ACVR1B: variants seen among roughly 807,000 people sequenced by gnomAD.
ACVR1B encodes the protein activin A receptor type 1B, also known as activin receptor type-1B.
A neutral mutation model predicts 55.6 loss-of-function variants in ACVR1B; 15 were observed. That is an observed-to-expected ratio of 0.27 (90% confidence interval 0.18 to 0.42). The LOEUF (loss-of-function observed/expected upper bound fraction) is 0.42. ACVR1B is among the 10% of genes least tolerant of loss of function. ACVR1B has a pLI of 1.00. For missense variants in ACVR1B, 359 were observed against 670.1 expected, an observed-to-expected ratio of 0.54 and a Z score of 5.13; for synonymous variants, 247 against 254.6, an observed-to-expected ratio of 0.97 and a Z score of 0.28.
In ACVR1B at chr12:51,968,192, C is replaced by T. The variant is rs183899493; in HGVS notation, c.92-7073C>T. 1.0e-3 allele frequency among the ~76,000 whole-genome samples: 155 copies of T among 152,302 alleles called. 2 individuals carry two copies. The highest frequency in any genetic ancestry group is 3.3e-3 in the African/African-American group (138 of 41,574). On this transcript the variant is annotated intron_variant, in intron 1 of 8. Transcript: ENST00000257963. ...AGGTTGCAGTGAGCTGAGATTGCAC[C>T]ATGGCATTCCAGCCTGGGCAACAAG...
chr12:51,982,752 GC>G, intron 4 of ACVR1B: 1 of 1,534,364 alleles, frequency 6.5e-7, no homozygotes, highest in Non-Finnish European at 8.7e-7. Flanking sequence ...AAGCTGAGGA[GC>G]CTTAGACTCC....
At chr12:51,960,517 C>G (rs1255290084) in intron 1 of ACVR1B, among the ~76,000 whole-genome samples, 2 of 152,148 alleles carry the variant, frequency 1.3e-5, no homozygotes, top group Non-Finnish European at 1.5e-5. Context: ...ATAAAAGCAT[C>G]TGATTTGCTG....
At position 51,951,775 on chromosome 12, in the gene ACVR1B, T is replaced by TC; in HGVS notation, c.37dup (p.Leu13ProfsTer35). 7.7e-7 allele frequency: 1 copy of TC among 1,292,696 alleles called. No homozygotes were observed. 80.1% of individuals were successfully genotyped at this position (1,292,696 alleles called of 1,614,324 possible). A position where few individuals can be genotyped will look rare whatever the true frequency, so the allele number is the denominator to read the frequency against. ...GAGTCGGCCGGAGCCTCCTCCTTCT[T>TC]CCCCCTTGTTGTCCTCCTGCTCGCC... is the stretch of plus-strand genomic sequence containing the variant. On this transcript the variant is annotated frameshift_variant, in exon 1 of 9. Coordinates refer to ENST00000257963, the MANE Select transcript of ACVR1B (RefSeq NM_004302.5). LOFTEE classifies it high-confidence loss of function.
chr12:51,975,843 T>G (rs1941839708), intron 2 of ACVR1B, among the ~76,000 whole-genome samples: 1 of 151,968 alleles, frequency 6.6e-6, no homozygotes, highest in Non-Finnish European at 1.5e-5. Flanking sequence ...CGAGCAAAGG[T>G]GACTCCTCAA....
rs147465305 is a variant in ACVR1B at position 51,952,296 on chromosome 12, G to A, written c.91+462G>A. ...GCGGTGGGGTCTTAGCCTCTCCGAG[G>A]GAACCTGATGTTGAGAGTCCGCGCA... On this transcript the variant is annotated intron_variant, in intron 1 of 8. Coordinates refer to ENST00000257963, the MANE Select transcript of ACVR1B (RefSeq NM_004302.5). Among the ~76,000 whole-genome samples, 15 of 151,676 alleles carry A rather than the reference G, an allele frequency of 9.9e-5. No individual in the cohort carries two copies. In the East Asian group the frequency reaches 1.9e-3, roughly 20 times the overall value.
At chr12:51,974,060 C>T (rs1284878720) in intron 1 of ACVR1B, among the ~76,000 whole-genome samples, 1 of 152,070 alleles carries the variant, frequency 6.6e-6, no homozygotes, top group Non-Finnish European at 1.5e-5. Flanking sequence ...TGGGACTGCC[C>T]ATAAGTGTCT....
At chr12:51,982,819 C>T in intron 4 of ACVR1B, 1 of 1,497,800 alleles carries the variant, frequency 6.7e-7, no homozygotes, top group Non-Finnish European at 8.8e-7. Flanking sequence ...GTAAGCTATT[C>T]CTTTTTAAAA....
Position 51,994,215 on chromosome 12 carries a change from T to A in ACVR1B, c.*105T>A. ...CCTCTCGTTTCTGCCCAGCCCTCTGTGGCCAGGAGCCCTGGCCCGCAAGAG... is the reference window on the plus strand; with the variant it reads ...CCTCTCGTTTCTGCCCAGCCCTCTGAGGCCAGGAGCCCTGGCCCGCAAGAG... On this transcript the variant is annotated 3_prime_UTR_variant, in exon 9 of 9. Coordinates refer to ENST00000257963, the MANE Select transcript of ACVR1B (RefSeq NM_004302.5). The surrounding 1 kb of genome is among the most constrained non-coding windows in gnomAD (Gnocchi z 4.2). 6.6e-7 allele frequency: 1 copy of A among 1,512,570 alleles called. No individual in the cohort carries two copies. 93.7% of individuals were successfully genotyped at this position (1,512,570 alleles called of 1,614,324 possible).
chr12:51,964,801 A>G (rs909224890), intron 1 of ACVR1B, among the ~76,000 whole-genome samples: 1 of 152,150 alleles, frequency 6.6e-6, no homozygotes, highest in South Asian at 2.1e-4. Context: ...TGGATTCTCA[A>G]TTCGGTTCTG....
chr12:51,955,393 CGAT>C (rs1941388316), intron 1 of ACVR1B, among the ~76,000 whole-genome samples: 1 of 152,172 alleles, frequency 6.6e-6, no homozygotes, highest in African/African-American at 2.4e-5. Context: ...AATCAGTAAA[CGAT>C]GAGACGTGCT....
chr12:51,989,256 G>A (rs907686272), intron 7 of ACVR1B, among the ~76,000 whole-genome samples: 1 of 152,086 alleles, frequency 6.6e-6, no homozygotes, highest in Non-Finnish European at 1.5e-5. Flanking sequence ...TCTTTTTCTG[G>A]AAAAGGGCTT....
Position 51,994,431 on chromosome 12 carries a change from C to T in ACVR1B, c.*321C>T, listed in dbSNP as rs1431591529. The T allele has an allele frequency of 3.1e-5, 10 of 324,176 alleles. No homozygotes were observed. Among genetic ancestry groups the T allele is most frequent in the Admixed American group, 4.8e-5 (1 of 20,840 alleles). 20.1% of individuals were successfully genotyped at this position (324,176 alleles called of 1,614,324 possible). A position where few individuals can be genotyped will look rare whatever the true frequency, so the allele number is the denominator to read the frequency against. ...TCTGGCACGTGGCCAGGAGCCATGA[C>T]AGGGGCGCTTGGGAGGGGCCGGAGG... On this transcript the variant is annotated 3_prime_UTR_variant, in exon 9 of 9. Transcript: ENST00000257963. The surrounding 1 kb of genome is among the most constrained non-coding windows in gnomAD (Gnocchi z 4.2).
chr12:51,972,976 G>A (rs933770813), intron 1 of ACVR1B, among the ~76,000 whole-genome samples: 6 of 152,028 alleles, frequency 3.9e-5, no homozygotes, highest in Non-Finnish European at 8.8e-5. Flanking sequence ...AAACCCACAC[G>A]GCCCAGCCCC....
Position 51,984,072 on chromosome 12 carries a change from C to CCGGTA in ACVR1B, c.887_891dup (p.Thr298GlyfsTer4), listed in dbSNP as rs762810607. 1 of 1,614,164 alleles carries CCGGTA rather than the reference C, an allele frequency of 6.2e-7. No individual in the cohort carries two copies. Among genetic ancestry groups the CCGGTA allele is most frequent in the Non-Finnish European group, 8.5e-7 (1 of 1,180,038 alleles). On this transcript the variant is annotated frameshift_variant, in exon 5 of 9. Coordinates refer to ENST00000257963, the MANE Select transcript of ACVR1B (RefSeq NM_004302.5). LOFTEE classifies it high-confidence loss of function. ...ACGGGTCCCTGTTTGATTATCTGAACCGGTACACAGTGACAATTGAGGGGA... is the reference window on the plus strand; with the variant it reads ...ACGGGTCCCTGTTTGATTATCTGAACCGGTACGGTACACAGTGACAATTGAGGGGA...
chr12:51,991,698 G>A (rs1038485868), intron 7 of ACVR1B, among the ~76,000 whole-genome samples, 165 bp from the exon 8 acceptor site: 5 of 152,170 alleles, frequency 3.3e-5, no homozygotes, highest in Non-Finnish European at 7.4e-5. Flanking sequence ...CACCATGCCC[G>A]GCCCCTTTTG....
chr12:51,974,541 G>C (rs964244471), intron 1 of ACVR1B, among the ~76,000 whole-genome samples: 12 of 152,170 alleles, frequency 7.9e-5, no homozygotes, highest in African/African-American at 2.9e-4. Context: ...ACACTCATGC[G>C]TGAATGCATG....
chr12:51,979,466 CAAAAAAAA>C (rs11421560), intron 3 of ACVR1B, among the ~76,000 whole-genome samples: 1 of 117,792 alleles, frequency 8.5e-6, no homozygotes, highest in Admixed American at 9.1e-5. Context: ...GACACCATCT[CAAAAAAAA>C]AAAAAAAAAG....
At chr12:51,967,459 TGAGGCAGGA>T (rs1231123467) in intron 1 of ACVR1B, among the ~76,000 whole-genome samples, 10 of 152,064 alleles carry the variant, frequency 6.6e-5, no homozygotes, top group Non-Finnish European at 1.0e-4. Flanking sequence ...CTCAGGAGGC[TGAGGCAGGA>T]GAATCGCTTG....
intron 1 of ACVR1B, among the ~76,000 whole-genome samples, chr12:51,964,323 T>G (rs779560536): frequency 3.3e-5 from 5 of 152,172 alleles, no homozygotes; most frequent in Admixed American, 6.5e-5. Flanking sequence ...AGTTTTTAAT[T>G]GGGTTGTTGT....
Sources: gnomAD v4.1 joint callset for allele counts (sites outside exome capture counted in the v4.1 genomes callset) on GRCh38, gnomAD v4.1.1 for gene constraint, Gnocchi (gnomAD v3.1) non-coding constraint, MANE v1.5 for transcripts, NCBI Gene and HGNC (gene_info 2026-07-23, HGNC 2026-07-21) for gene names.